Variants in GRIK4 observed in about 807,000 individuals in gnomAD.
The protein encoded by GRIK4 is glutamate receptor ionotropic, kainate 4.
In GRIK4, 40 loss-of-function variants were observed where a neutral mutation model predicts 104.9. The observed-to-expected ratio is 0.38, with a 90% CI of 0.30 to 0.50. The LOEUF (loss-of-function observed/expected upper bound fraction) is 0.50, where lower values mean the gene tolerates loss of function less well. Ranked by LOEUF, GRIK4 falls within the 20% of genes least tolerant of loss-of-function variation. GRIK4 has a pLI of 0.93. For missense variants in GRIK4, 1,047 were observed against 1,308.1 expected (o/e 0.80, Z 3.08); for synonymous variants, 485 against 524.9 (o/e 0.92, Z 1.04).
chr11:120,671,947 G>A (rs1004867290), intron 3 of GRIK4, among the ~76,000 whole-genome samples: 2 of 152,162 alleles, frequency 1.3e-5, no homozygotes. Flanking sequence ...GACGTATGTT[G>A]TATTTCTGAG....
intron 20 of GRIK4, among the ~76,000 whole-genome samples, chr11:120,984,613 C>T (rs1032077497): frequency 7.1e-4 from 108 of 151,944 alleles, no homozygotes; most frequent in African/African-American, 2.3e-3. Context: ...CCAAGAAATA[C>T]AAAATTTAGC....
rs1944662287 is a variant in GRIK4 at position 120,982,118 on chromosome 11, A to T, written c.2408A>T (p.Glu803Val). ...EDHRAKGLGM[E>V]NIGGIFVVLI... ...CACTTTCTTACAGGCCTGGGAATGG[A>T]GAATATTGGTGGAATCTTTGTGGTT... The change falls in exon 20 of 21, where the codon GAG becomes GTG. Residue 803 changes from glutamate (E) to valine (V), a missense_variant. Transcript: ENST00000527524. 6.2e-7 allele frequency: 1 copy of T among 1,601,982 alleles called. No individual in the cohort carries two copies. The highest frequency in any genetic ancestry group is 1.3e-5 in the African/African-American group (1 of 74,652).
intron 3 of GRIK4, among the ~76,000 whole-genome samples, chr11:120,761,544 A>G (rs558623428): frequency 6.6e-6 from 1 of 152,182 alleles, no homozygotes; most frequent in Non-Finnish European, 1.5e-5. Flanking sequence ...CCTGCATGGT[A>G]TTGCTTAGGT....
At chr11:120,774,236 G>A (rs984244368) in intron 3 of GRIK4, among the ~76,000 whole-genome samples, 5 of 152,198 alleles carry the variant, frequency 3.3e-5, no homozygotes, top group African/African-American at 1.2e-4. Context: ...TGAAGAATTG[G>A]TAGGAGTTTG....
chr11:120,703,874 G>A (rs544987589), intron 3 of GRIK4, among the ~76,000 whole-genome samples: 18 of 152,260 alleles, frequency 1.2e-4, no homozygotes, highest in Admixed American at 1.2e-3. Flanking sequence ...GTGGTATAAA[G>A]AGCACTCGTC....
chr11:120,841,714 AT>A (rs2135582716), intron 8 of GRIK4, among the ~76,000 whole-genome samples: 1 of 152,200 alleles, frequency 6.6e-6, no homozygotes, highest in South Asian at 2.1e-4. Flanking sequence ...TGACCACACC[AT>A]TTTTCGTTCC....
intron 8 of GRIK4, among the ~76,000 whole-genome samples, chr11:120,852,725 A>T (rs1254038024): frequency 1.3e-5 from 2 of 152,238 alleles, no homozygotes; most frequent in Non-Finnish European, 2.9e-5. Context: ...TGATGCAGAT[A>T]AATAGACAGA....
At chr11:120,920,134 G>A (rs936658220) in intron 13 of GRIK4, among the ~76,000 whole-genome samples, 1 of 152,156 alleles carries the variant, frequency 6.6e-6, no homozygotes, top group African/African-American at 2.4e-5. Context: ...GCTATGAGCT[G>A]TGTGGACTTG....
At chr11:120,742,326 A>C (rs12798063) in intron 3 of GRIK4, among the ~76,000 whole-genome samples, 1 of 149,772 alleles carries the variant, frequency 6.7e-6, no homozygotes, top group Admixed American at 6.7e-5. Flanking sequence ...AGTCTGGGCC[A>C]CAGAGCAAGA....
chr11:120,630,490 C>T (rs1471421132), intron 1 of GRIK4, among the ~76,000 whole-genome samples: 1 of 152,236 alleles, frequency 6.6e-6, no homozygotes, highest in Non-Finnish European at 1.5e-5. Context: ...TTAGCAGCAG[C>T]CATCTCCAGC....
intron 13 of GRIK4, among the ~76,000 whole-genome samples, chr11:120,924,884 C>CA (rs2134582881): frequency 6.6e-6 from 1 of 152,320 alleles, no homozygotes; most frequent in East Asian, 1.9e-4. Context: ...CTCTCTTCCT[C>CA]AAAAAATGGC....
chr11:120,887,850 T>C (rs1409200427), intron 11 of GRIK4, among the ~76,000 whole-genome samples: 1 of 152,182 alleles, frequency 6.6e-6, no homozygotes, highest in Non-Finnish European at 1.5e-5. Context: ...GATGTGGGTC[T>C]TGATGGAGAC....
chr11:120,748,952 G>A (rs900285861), intron 3 of GRIK4, among the ~76,000 whole-genome samples: 2 of 152,174 alleles, frequency 1.3e-5, no homozygotes, highest in African/African-American at 4.8e-5. Context: ...CAAGTCAAAT[G>A]AATTAGAAGT....
chr11:120,776,326 C>T (rs1332352362), intron 3 of GRIK4, among the ~76,000 whole-genome samples: 1 of 152,192 alleles, frequency 6.6e-6, no homozygotes, highest in Non-Finnish European at 1.5e-5. Context: ...GCTGTGTCTG[C>T]CCTCGCTCAG....
chr11:120,602,725 CAG>C (rs1175902489), intron 1 of GRIK4, among the ~76,000 whole-genome samples: 1 of 152,106 alleles, frequency 6.6e-6, no homozygotes, highest in East Asian at 1.9e-4. Flanking sequence ...GCATTTGAAA[CAG>C]AGTCTCGCTC....
At chr11:120,892,179 C>A (rs1386631745) in intron 11 of GRIK4, among the ~76,000 whole-genome samples, 2 of 151,994 alleles carry the variant, frequency 1.3e-5, no homozygotes, top group African/African-American at 4.8e-5. Context: ...GCCTGTTGCA[C>A]TTGAACGCGG....
chr11:120,917,324 C>G (rs1007451382), intron 13 of GRIK4, among the ~76,000 whole-genome samples: 2 of 150,766 alleles, frequency 1.3e-5, no homozygotes, highest in African/African-American at 4.9e-5. Flanking sequence ...GAAAGCCAGG[C>G]TTTCCATTTA....
chr11:120,761,544 A>T (rs558623428), intron 3 of GRIK4, among the ~76,000 whole-genome samples: 1 of 152,182 alleles, frequency 6.6e-6, no homozygotes, highest in South Asian at 2.1e-4. Flanking sequence ...CCTGCATGGT[A>T]TTGCTTAGGT....
At chr11:120,569,858 A>T (rs985657793) in intron 1 of GRIK4, among the ~76,000 whole-genome samples, 1 of 152,040 alleles carries the variant, frequency 6.6e-6, no homozygotes. Flanking sequence ...AATCTCCCAT[A>T]CTCCCAAAGA....
Sources: allele counts gnomAD v4.1 joint callset (sites outside exome capture counted in the v4.1 genomes callset), GRCh38; gene constraint gnomAD v4.1.1; transcripts MANE v1.5; gene names NCBI Gene and HGNC (gene_info 2026-07-23, HGNC 2026-07-21).